EFCAB5: variants seen among roughly 807,000 people sequenced by gnomAD.
EFCAB5 encodes the protein EF-hand calcium-binding domain-containing protein 5.
Under a neutral mutation model 167.9 loss-of-function variants are expected in EFCAB5, and 131 were observed. The ratio of observed to expected loss-of-function variants is 0.78; its 90% CI spans 0.68 to 0.90. The LOEUF (loss-of-function observed/expected upper bound fraction) is 0.90, where lower values mean the gene tolerates loss of function less well. Ranked by LOEUF, EFCAB5 falls within the 40% of genes least tolerant of loss-of-function variation. EFCAB5 has a pLI of 0.00. For synonymous variants in EFCAB5, 574 were observed against 602.8 expected (o/e 0.95, Z 0.70); for missense variants, 1,663 against 1,745.2 (o/e 0.95, Z 0.84).
At chr17:30,058,175 T>C (rs1454769338) in intron 13 of EFCAB5, among the ~76,000 whole-genome samples, 24 of 152,180 alleles carry the variant, frequency 1.6e-4, no homozygotes, top group Admixed American at 1.4e-3. Context: ...CAGATATGGA[T>C]ATATGCAAAG....
At chr17:29,978,002 T>C (rs2068095906) in intron 4 of EFCAB5, among the ~76,000 whole-genome samples, 1 of 152,156 alleles carries the variant, frequency 6.6e-6, no homozygotes, top group Admixed American at 6.5e-5. Flanking sequence ...TCAAAATATC[T>C]TACTCATCCT....
At chr17:29,984,486 G>A (rs956563245) in intron 4 of EFCAB5, among the ~76,000 whole-genome samples, 3 of 152,050 alleles carry the variant, frequency 2.0e-5, no homozygotes, top group Admixed American at 6.6e-5. Flanking sequence ...TTGGGAGGCC[G>A]AGGTGAGCGG....
chr17:30,024,382 C>A (rs551161346), intron 7 of EFCAB5, among the ~76,000 whole-genome samples: 3 of 152,072 alleles, frequency 2.0e-5, no homozygotes, highest in Admixed American at 6.6e-5. Context: ...TTCTTATACA[C>A]CAATAACAGA....
chr17:29,934,501 A>G (rs1021515269), intron 1 of EFCAB5, among the ~76,000 whole-genome samples: 5 of 152,214 alleles, frequency 3.3e-5, no homozygotes, highest in African/African-American at 1.2e-4. Context: ...TCAGATATAA[A>G]CAAAAGGAAG....
chr17:30,102,625 T>C (rs1485676008), intron 22 of EFCAB5, among the ~76,000 whole-genome samples: 1 of 152,176 alleles, frequency 6.6e-6, no homozygotes, highest in African/African-American at 2.4e-5. Flanking sequence ...ATTGAATGCA[T>C]GTTAATCATC....
Position 30,080,092 on chromosome 17 carries a change from TAAA to T in EFCAB5, c.3051_3053del (p.Lys1018del). 6.2e-7 allele frequency: 1 copy of T among 1,608,306 alleles called. No individual in the cohort carries two copies. The highest frequency in any genetic ancestry group is 8.5e-7 in the Non-Finnish European group (1 of 1,178,108). On this transcript the variant is annotated inframe_deletion, in exon 16 of 23. Transcript: ENST00000394835. ...TGTAGGATGCTGAAGCCCATGGAAA[TAAA>T]AAGATCAGTGCTCACATTTCCCTCT...
rs1416220903 is a variant in EFCAB5 at position 29,993,225 on chromosome 17, A to T, written c.828A>T (p.Lys276Asn). The T allele has an allele frequency of 6.2e-7, 1 of 1,613,700 alleles. No homozygotes were observed. The highest frequency in any genetic ancestry group is 1.3e-5 in the African/African-American group (1 of 74,920). ...GAAAACAAAGAGAAAGCATAGACAA[A>T]ATCATAGTCAAGGTGGCCAACACAC... ...QNRKQRESID[K>N]IIVKVANTRK... is the part of the protein sequence containing the mutation. The change falls in exon 5 of 23, where the codon AAA becomes AAT. Residue 276 changes from lysine to asparagine, a missense_variant. Lys to Asn is a moderately conservative substitution (Grantham distance 94, BLOSUM62 0). Coordinates refer to ENST00000394835, the MANE Select transcript of EFCAB5 (RefSeq NM_198529.4).
chr17:29,930,007 G>C (rs771182861), intron 1 of EFCAB5: 9 of 1,596,972 alleles, frequency 5.6e-6, no homozygotes, highest in Non-Finnish European at 1.7e-6. Flanking sequence ...CCATCTAGGC[G>C]CTGCTGGGTT....
intron 14 of EFCAB5, chr17:30,073,264 C>A: frequency 1.7e-6 from 1 of 602,082 alleles, no homozygotes. Flanking sequence ...TCTGTGTTGC[C>A]CATGCTGGTC....
chr17:30,047,163 A>T (rs183199939), intron 8 of EFCAB5, among the ~76,000 whole-genome samples: 13 of 152,322 alleles, frequency 8.5e-5, no homozygotes, highest in African/African-American at 3.1e-4. Context: ...TGACTCAAAG[A>T]TAGCCTGCAT....
At chr17:29,965,182 A>G (rs188606560) in intron 3 of EFCAB5, among the ~76,000 whole-genome samples, 284 of 151,608 alleles carry the variant, frequency 1.9e-3, no homozygotes, top group Admixed American at 4.5e-3. Flanking sequence ...CTATGTTTCC[A>G]TCTGAGCCCT....
intron 19 of EFCAB5, among the ~76,000 whole-genome samples, chr17:30,087,928 T>C (rs2151844237): frequency 6.6e-6 from 1 of 152,360 alleles, no homozygotes; most frequent in East Asian, 1.9e-4. Flanking sequence ...AAAGCGTTCC[T>C]ACTTTTCCAC....
chr17:29,944,427 C>T (rs1198587517), intron 3 of EFCAB5, among the ~76,000 whole-genome samples: 1 of 151,998 alleles, frequency 6.6e-6, no homozygotes, highest in East Asian at 1.9e-4. Flanking sequence ...TCTATTAATG[C>T]TTTTGAGGCA....
intron 7 of EFCAB5, among the ~76,000 whole-genome samples, chr17:30,011,828 C>T (rs1215431043): frequency 4.6e-5 from 7 of 152,062 alleles, no homozygotes; most frequent in Admixed American, 6.6e-5. Context: ...AGGCAAGAGA[C>T]CGAGGACGCG....
intron 3 of EFCAB5, among the ~76,000 whole-genome samples, chr17:29,966,702 CTT>C (rs985303006): frequency 5.3e-5 from 8 of 152,238 alleles, no homozygotes; most frequent in Admixed American, 5.2e-4. Context: ...ATATTGTACT[CTT>C]TGAGAGGAAG....
upstream of EFCAB5, among the ~76,000 whole-genome samples, chr17:29,939,983 A>G (rs1255545555): frequency 2.0e-5 from 3 of 152,176 alleles, no homozygotes; most frequent in Non-Finnish European, 4.4e-5. Context: ...GGGAAAATTA[A>G]CTGCTTATTT....
At chr17:29,997,218 C>A in intron 6 of EFCAB5, among the ~76,000 whole-genome samples, 1 of 150,424 alleles carries the variant, frequency 6.6e-6, no homozygotes, top group South Asian at 2.1e-4. Flanking sequence ...GCACTCCAGC[C>A]TGGGTGACAG....
At chr17:30,063,336 A>G (rs1432632353) in intron 14 of EFCAB5, among the ~76,000 whole-genome samples, 1 of 152,116 alleles carries the variant, frequency 6.6e-6, no homozygotes, top group East Asian at 1.9e-4. Flanking sequence ...TTGTGTCACT[A>G]CTACACAGTG....
At chr17:30,093,372 T>G (rs2071237000) in intron 22 of EFCAB5, among the ~76,000 whole-genome samples, 1 of 152,174 alleles carries the variant, frequency 6.6e-6, no homozygotes, top group African/African-American at 2.4e-5. Flanking sequence ...AGGCCACATA[T>G]GAGAGTAAAT....
Sources: gnomAD v4.1 joint callset for allele counts (sites outside exome capture counted in the v4.1 genomes callset) on GRCh38, gnomAD v4.1.1 for gene constraint, MANE v1.5 for transcripts, NCBI Gene and HGNC (gene_info 2026-07-23, HGNC 2026-07-21) for gene names.